PRKAR1B: variants seen among roughly 807,000 people sequenced by gnomAD.
PRKAR1B encodes protein kinase cAMP-dependent type I regulatory subunit beta.
In PRKAR1B, 22 loss-of-function variants were observed where a neutral mutation model predicts 46.5. That is an observed-to-expected ratio of 0.47 (90% CI 0.34 to 0.68). PRKAR1B has a LOEUF of 0.68. Ranked by LOEUF, PRKAR1B falls within the 30% of genes least tolerant of loss-of-function variation. The probability of loss-of-function intolerance (pLI) is 0.01; values close to 1 mark genes in which losing one functional copy is unlikely to be tolerated. For missense variants in PRKAR1B, 445 were observed against 535.6 expected, an observed-to-expected ratio of 0.83 and a Z score of 1.67; for synonymous variants, 259 against 217.7, an observed-to-expected ratio of 1.19 and a Z score of -1.67.
In PRKAR1B at chr7:576,122, C is replaced by T. The variant is rs536370672; in HGVS notation, c.891+3134G>A. ...ACGCTGGCATAGTCTCCTCTGCACA[C>T]GGGCGGGCGTGCACGCTGGCATCCT... is the stretch of plus-strand genomic sequence containing the variant. On this transcript the variant is annotated intron_variant, in intron 9 of 10. Coordinates refer to ENST00000537384, the MANE Select transcript of PRKAR1B (RefSeq NM_001164760.2). Among the ~76,000 whole-genome samples, 342 of 143,982 alleles carry T rather than the reference C, an allele frequency of 2.4e-3. 3 individuals carry two copies. The highest frequency in any genetic ancestry group is 1.6e-3 in the Non-Finnish European group (105 of 66,782). 94.5% of individuals were successfully genotyped at this position (143,982 alleles called of 152,430 possible).
intron 2 of PRKAR1B, among the ~76,000 whole-genome samples, chr7:683,058 G>A (rs1393858421): frequency 3.9e-5 from 6 of 152,202 alleles, no homozygotes; most frequent in African/African-American, 7.2e-5. Context: ...AGGGCCTTGC[G>A]TCATGGACCA....
intron 4 of PRKAR1B, among the ~76,000 whole-genome samples, chr7:628,534 G>A (rs895102475): frequency 3.9e-5 from 6 of 152,232 alleles, no homozygotes; most frequent in East Asian, 1.9e-4. Flanking sequence ...TCCCAGGCCC[G>A]TGTGAGGAAG....
At chr7:569,304 G>A (rs181614305) in intron 9 of PRKAR1B, among the ~76,000 whole-genome samples, 42 of 152,302 alleles carry the variant, frequency 2.8e-4, no homozygotes, top group Non-Finnish European at 4.6e-4. Context: ...AGAACAGCCT[G>A]CCGGCCGCCC....
intron 1 of PRKAR1B, among the ~76,000 whole-genome samples, chr7:722,158 T>C (rs1473203571): frequency 1.5e-5 from 2 of 136,294 alleles, no homozygotes; most frequent in Non-Finnish European, 3.0e-5. Flanking sequence ...TGGAGTGCGG[T>C]GGCATGATAT....
intron 9 of PRKAR1B, among the ~76,000 whole-genome samples, chr7:551,728 C>T (rs1317521730): frequency 1.3e-5 from 2 of 148,944 alleles, no homozygotes; most frequent in African/African-American, 5.0e-5. Context: ...GAGCCACTGC[C>T]ACCACCATGT....
chr7:651,374 C>A (rs1784894377), intron 4 of PRKAR1B, among the ~76,000 whole-genome samples: 2 of 152,366 alleles, frequency 1.3e-5, no homozygotes, highest in Non-Finnish European at 2.9e-5. Context: ...TCGGAAAGGA[C>A]CCCGAAACAC....
At chr7:634,318 G>C (rs368976954) in intron 4 of PRKAR1B, among the ~76,000 whole-genome samples, 7 of 149,212 alleles carry the variant, frequency 4.7e-5, no homozygotes, top group South Asian at 2.3e-4. Context: ...CACTGCACCC[G>C]GCCCAAAAAA....
intron 4 of PRKAR1B, among the ~76,000 whole-genome samples, chr7:671,049 G>C (rs1390240602): frequency 6.6e-6 from 1 of 152,238 alleles, no homozygotes; most frequent in Non-Finnish European, 1.5e-5. Flanking sequence ...TTTCGCGTGA[G>C]TGGTTCTGTC....
chr7:610,350 G>A (rs1782406581), intron 4 of PRKAR1B, among the ~76,000 whole-genome samples: 1 of 152,170 alleles, frequency 6.6e-6, no homozygotes, highest in Non-Finnish European at 1.5e-5. Context: ...CACACACCCA[G>A]GTGCCTGGGC....
At chr7:591,835 C>T (rs1780994185) in intron 7 of PRKAR1B, among the ~76,000 whole-genome samples, 2 of 152,208 alleles carry the variant, frequency 1.3e-5, no homozygotes. Flanking sequence ...TCCCCTCACA[C>T]TTCAAAGCCA....
At chr7:673,464 A>G (rs1786402474) in intron 4 of PRKAR1B, among the ~76,000 whole-genome samples, 1 of 152,094 alleles carries the variant, frequency 6.6e-6, no homozygotes, top group Admixed American at 6.5e-5. Context: ...CCTGGCCAAC[A>G]CAGTGAAACC....
At chr7:598,213 C>T (rs1035524889) in intron 6 of PRKAR1B, among the ~76,000 whole-genome samples, 3 of 151,074 alleles carry the variant, frequency 2.0e-5, no homozygotes, top group Non-Finnish European at 3.0e-5. Context: ...GCACTAAACA[C>T]CATCACCCTC....
chr7:692,220 T>G (rs1202248249), intron 2 of PRKAR1B, among the ~76,000 whole-genome samples: 1 of 152,128 alleles, frequency 6.6e-6, no homozygotes, highest in Non-Finnish European at 1.5e-5. Flanking sequence ...ACCAACATGG[T>G]GAAACCCCAT....
chr7:607,327 T>C, intron 5 of PRKAR1B, 64 bp downstream of exon 5: 4 of 1,502,416 alleles, frequency 2.7e-6, no homozygotes, highest in Non-Finnish European at 2.8e-6. Flanking sequence ...TGCTATTTTT[T>C]TTTTAAGTGC....
chr7:651,580 C>T (rs1038446010), intron 4 of PRKAR1B, among the ~76,000 whole-genome samples: 1 of 151,168 alleles, frequency 6.6e-6, no homozygotes, highest in Non-Finnish European at 1.5e-5. Context: ...CAGTTCACAC[C>T]CACACAGTGC....
intron 4 of PRKAR1B, among the ~76,000 whole-genome samples, chr7:635,137 TA>T (rs948946365): frequency 6.6e-6 from 1 of 152,132 alleles, no homozygotes; most frequent in Non-Finnish European, 1.5e-5. Flanking sequence ...TTTAAAACAA[TA>T]AATAAAATTA....
intron 4 of PRKAR1B, among the ~76,000 whole-genome samples, chr7:628,908 C>T (rs1259725783): frequency 2.0e-5 from 3 of 152,074 alleles, no homozygotes; most frequent in East Asian, 1.9e-4. Context: ...TCGTCGGGGA[C>T]GGGGTGGAGG....
chr7:727,597 C>G (rs1477490750), upstream of PRKAR1B: 2 of 208,868 alleles, frequency 9.6e-6, no homozygotes, highest in East Asian at 2.0e-4. Context: ...TACCTGTTTC[C>G]TGCGCTGCCA....
At chr7:700,280 G>A (rs1472741828) in intron 2 of PRKAR1B, among the ~76,000 whole-genome samples, 1 of 152,190 alleles carries the variant, frequency 6.6e-6, no homozygotes, top group East Asian at 1.9e-4. Context: ...GCTTGGAAAC[G>A]GAACTCATGT....
Sources: gnomAD v4.1 joint callset for allele counts (sites outside exome capture counted in the v4.1 genomes callset) on GRCh38, gnomAD v4.1.1 for gene constraint, MANE v1.5 for transcripts, NCBI Gene and HGNC (gene_info 2026-07-23, HGNC 2026-07-21) for gene names.